The following TSPAN18 variants were observed in gnomAD, a reference collection of about 807,000 sequenced individuals.
The protein encoded by TSPAN18 is tetraspanin 18, also known as tetraspanin-18.
TSPAN18 carries 14 observed loss-of-function variants against 27.3 expected under a neutral mutation model. The observed-to-expected ratio is 0.51, with a 90% confidence interval of 0.34 to 0.80. TSPAN18 has a LOEUF of 0.80. Ranked by LOEUF, TSPAN18 falls within the 30% of genes least tolerant of loss-of-function variation. TSPAN18 has a pLI of 0.01. For synonymous variants in TSPAN18, 143 were observed against 136.5 expected (o/e 1.05, Z -0.33); for missense variants, 268 against 323.9 (o/e 0.83, Z 1.32).
intron 1 of TSPAN18, chr11:44,736,170 C>G (rs900654385): frequency 6.6e-6 from 1 of 152,196 alleles, no homozygotes; most frequent in African/African-American, 2.4e-5. Context: ...GGTTTATATA[C>G]CTACCTCATA....
At chr11:44,818,300 T>A (rs950338343) in intron 2 of TSPAN18, among the ~76,000 whole-genome samples, 3 of 152,164 alleles carry the variant, frequency 2.0e-5, no homozygotes, top group Non-Finnish European at 4.4e-5. Context: ...GGATGCTATT[T>A]CTATACATCC....
At chr11:44,760,276 G>T (rs142268066) in intron 1 of TSPAN18, among the ~76,000 whole-genome samples, 1,839 of 152,324 alleles carry the variant, frequency 0.012, 19 homozygotes, top group Non-Finnish European at 0.021. Context: ...GGGAACAAAG[G>T]CTGCAGGCTG....
chr11:44,848,909 C>T (rs1857540517), intron 2 of TSPAN18, among the ~76,000 whole-genome samples: 1 of 152,210 alleles, frequency 6.6e-6, no homozygotes, highest in Admixed American at 6.5e-5. Flanking sequence ...GATCAGGAGG[C>T]AGGTGCTGGG....
At chr11:44,906,632 C>T (rs920349263) in intron 4 of TSPAN18, among the ~76,000 whole-genome samples, 153 bp downstream of exon 4, 1 of 152,162 alleles carries the variant, frequency 6.6e-6, no homozygotes, top group South Asian at 2.1e-4. Context: ...TGGAAGGGGG[C>T]CCCCAGCAGT....
At chr11:44,877,270 T>C (rs957527620) in intron 3 of TSPAN18, among the ~76,000 whole-genome samples, 1 of 152,238 alleles carries the variant, frequency 6.6e-6, no homozygotes, top group African/African-American at 2.4e-5. Flanking sequence ...ACTACTGTGA[T>C]CTTGCCAGTT....
At chr11:44,771,832 T>C (rs949396635) in intron 2 of TSPAN18, among the ~76,000 whole-genome samples, 1 of 152,240 alleles carries the variant, frequency 6.6e-6, no homozygotes, top group African/African-American at 2.4e-5. Flanking sequence ...TGAGCATTAA[T>C]ACATTTTGAT....
At chr11:44,735,242 A>G (rs1374651288) in intron 1 of TSPAN18, among the ~76,000 whole-genome samples, 2 of 152,234 alleles carry the variant, frequency 1.3e-5, no homozygotes. Context: ...TCCTGCATCC[A>G]GACCTCGGCT....
rs1376925544 is a variant in TSPAN18, at chr11:44,763,327, A to C, written c.-239-1099A>C. Among the ~76,000 whole-genome samples the C allele has an allele frequency of 2.5e-3, 376 of 152,232 alleles. 3 individuals are homozygous for C. Among genetic ancestry groups the C allele is most frequent in the African/African-American group, 8.7e-3 (360 of 41,542 alleles). On this transcript the variant is annotated intron_variant, in intron 1 of 9. Coordinates refer to ENST00000520358, the MANE Select transcript of TSPAN18 (RefSeq NM_130783.5). Reference sequence around the variant, plus strand: ...CATGTGACTGAGCCAATCTCTTGGGACTGGCCTGTCTCTGCTGGCAGGTAT... The same window carrying C: ...CATGTGACTGAGCCAATCTCTTGGGCCTGGCCTGTCTCTGCTGGCAGGTAT...
chr11:44,753,240 T>C (rs1855253705), intron 1 of TSPAN18, among the ~76,000 whole-genome samples: 1 of 152,134 alleles, frequency 6.6e-6, no homozygotes, highest in Admixed American at 6.5e-5. Flanking sequence ...GCGATTCTCC[T>C]GCCTCAACCT....
chr11:44,762,793 C>A (rs1855483624), intron 1 of TSPAN18, among the ~76,000 whole-genome samples: 1 of 152,164 alleles, frequency 6.6e-6, no homozygotes, highest in Non-Finnish European at 1.5e-5. Flanking sequence ...ATCCTCCAGC[C>A]AATCCCTATT....
rs184210163 is a variant in TSPAN18 at position 44,768,421 on chromosome 11, A to G, written c.-153+3909A>G. On this transcript the variant is annotated intron_variant, in intron 2 of 9. Coordinates refer to ENST00000520358, the MANE Select transcript of TSPAN18 (RefSeq NM_130783.5). ...CACTTGCTCCTTGCTGGTAGATAGG[A>G]AAGCAATGACTTTTCTATATTAACT... is the stretch of plus-strand genomic sequence containing the variant. Among the ~76,000 whole-genome samples, 644 of 152,336 alleles carry G rather than the reference A, an allele frequency of 4.2e-3. 3 individuals carry two copies. Among genetic ancestry groups the G allele is most frequent in the Non-Finnish European group, 4.7e-3 (322 of 68,030 alleles).
At position 44,906,415 on chromosome 11, in the gene TSPAN18, C is replaced by T; in HGVS notation, c.-2C>T. On this transcript the variant is annotated 5_prime_UTR_variant, in exon 4 of 10. Coordinates refer to ENST00000520358, the MANE Select transcript of TSPAN18 (RefSeq NM_130783.5). ...TGGCCTTGTATTTCTAGGTGGAGCACCATGGAAGGCGACTGTCTGAGCTGC... is the reference window on the plus strand; with the variant it reads ...TGGCCTTGTATTTCTAGGTGGAGCATCATGGAAGGCGACTGTCTGAGCTGC... The T allele has an allele frequency of 6.2e-7, 1 of 1,614,150 alleles. No individual in the cohort carries two copies. The highest frequency in any genetic ancestry group is 8.5e-7 in the Non-Finnish European group (1 of 1,179,978).
intron 2 of TSPAN18, among the ~76,000 whole-genome samples, chr11:44,769,443 T>C (rs982561263): frequency 5.9e-5 from 9 of 152,240 alleles, no homozygotes; most frequent in Middle Eastern, 3.2e-3. Flanking sequence ...TCCACTTCTA[T>C]ATTCTGGAAG....
chr11:44,775,116 AGGGGTCGCC>A (rs1855774454), intron 2 of TSPAN18, among the ~76,000 whole-genome samples: 1 of 152,130 alleles, frequency 6.6e-6, no homozygotes, highest in African/African-American at 2.4e-5. Flanking sequence ...ACCTCCTGGG[AGGGGTCGCC>A]AGGTACAGCA....
intron 2 of TSPAN18, among the ~76,000 whole-genome samples, chr11:44,778,663 C>T (rs1018191976): frequency 1.3e-5 from 2 of 152,288 alleles, no homozygotes; most frequent in African/African-American, 4.8e-5. Flanking sequence ...TTTGTTAATA[C>T]CCGCATTTAT....
At chr11:44,906,584 G>T (rs2306665) in intron 4 of TSPAN18, 105 bp downstream of exon 4, 2 of 1,101,618 alleles carry the variant, frequency 1.8e-6, no homozygotes, top group African/African-American at 3.1e-5. Flanking sequence ...CACAGGGGCC[G>T]GCGCTAGAGG....
intron 2 of TSPAN18, among the ~76,000 whole-genome samples, chr11:44,779,666 G>A (rs1855892066): frequency 6.6e-6 from 1 of 152,100 alleles, no homozygotes; most frequent in South Asian, 2.1e-4. Flanking sequence ...CCACATACCT[G>A]TGCATATTTA....
rs371825884 is a variant in TSPAN18, at chr11:44,875,417, G to A, written c.-11+14948G>A. 8.5e-5 allele frequency among the ~76,000 whole-genome samples: 13 copies of A among 152,300 alleles called. No homozygotes were observed. The East Asian group carries it at 1.9e-3, about 23-fold the overall frequency. Reference sequence around the variant, plus strand: ...GAGCAAGTCTGGGCCTTGGGGCTTCGGAGGCTAGGGGCTGCCGAGGGATTT... The same window carrying A: ...GAGCAAGTCTGGGCCTTGGGGCTTCAGAGGCTAGGGGCTGCCGAGGGATTT... On this transcript the variant is annotated intron_variant, in intron 3 of 9. Coordinates refer to ENST00000520358, the MANE Select transcript of TSPAN18 (RefSeq NM_130783.5).
chr11:44,825,979 G>C (rs1857032932), intron 2 of TSPAN18, among the ~76,000 whole-genome samples: 2 of 152,146 alleles, frequency 1.3e-5, no homozygotes. Flanking sequence ...TCCTCTCTCA[G>C]CCTGCATTTC....
Sources: allele counts gnomAD v4.1 joint callset (sites outside exome capture counted in the v4.1 genomes callset), GRCh38; gene constraint gnomAD v4.1.1; transcripts MANE v1.5; gene names NCBI Gene and HGNC (gene_info 2026-07-23, HGNC 2026-07-21).